Variants in ERC2 observed in about 807,000 individuals in gnomAD.
ERC2 encodes the protein ELKS/RAB6-interacting/CAST family member 2, also known as ERC protein 2.
A neutral mutation model predicts 114.8 loss-of-function variants in ERC2; 42 were observed. The observed-to-expected ratio is 0.37, with a 90% CI of 0.29 to 0.47. The LOEUF (loss-of-function observed/expected upper bound fraction) is 0.47, where lower values mean the gene tolerates loss of function less well. ERC2 is among the 20% of genes least tolerant of loss of function. ERC2 has a pLI of 0.99. For synonymous variants in ERC2, 454 were observed against 425.5 expected, an observed-to-expected ratio of 1.07 and a Z score of -0.82; for missense variants, 939 against 1,150.7, an observed-to-expected ratio of 0.82 and a Z score of 2.66.
At chr3:56,229,038 C>CT (rs1271289766) in intron 3 of ERC2, among the ~76,000 whole-genome samples, 2 of 152,064 alleles carry the variant, frequency 1.3e-5, no homozygotes, top group Non-Finnish European at 2.9e-5. Flanking sequence ...TTACAGAATG[C>CT]TTTTTTCCAG....
At chr3:55,613,372 T>C (rs2058985307) in intron 17 of ERC2, among the ~76,000 whole-genome samples, 2 of 152,208 alleles carry the variant, frequency 1.3e-5, no homozygotes, top group African/African-American at 4.8e-5. Flanking sequence ...GGGGCACAAA[T>C]TATAGGGAAA....
At chr3:55,958,649 C>A (rs1427956173) in intron 12 of ERC2, among the ~76,000 whole-genome samples, 2 of 152,224 alleles carry the variant, frequency 1.3e-5, no homozygotes, top group African/African-American at 4.8e-5. Flanking sequence ...CACCTGTGCT[C>A]GTCAGCACCC....
chr3:56,299,511 C>T (rs956409211), intron 2 of ERC2, among the ~76,000 whole-genome samples: 23 of 151,446 alleles, frequency 1.5e-4, no homozygotes, highest in African/African-American at 5.3e-4. Flanking sequence ...CTCACTGTAA[C>T]CTCCACCTTC....
At chr3:56,232,068 A>G (rs996509080) in intron 3 of ERC2, among the ~76,000 whole-genome samples, 1 of 151,322 alleles carries the variant, frequency 6.6e-6, no homozygotes, top group East Asian at 1.9e-4. Flanking sequence ...ACTTCAGTGT[A>G]TAATTGATCC....
At chr3:55,652,633 G>A (rs2060676207) in intron 17 of ERC2, among the ~76,000 whole-genome samples, 1 of 152,054 alleles carries the variant, frequency 6.6e-6, no homozygotes, top group South Asian at 2.1e-4. Context: ...CAGCACTTTG[G>A]GAGGCCGAGG....
At chr3:55,934,774 G>T (rs1282490169) in intron 13 of ERC2, among the ~76,000 whole-genome samples, 2 of 152,178 alleles carry the variant, frequency 1.3e-5, no homozygotes, top group Non-Finnish European at 2.9e-5. Flanking sequence ...TTGGCAATAT[G>T]AAGTCTTTTT....
chr3:56,381,301 T>G (rs570226531), intron 2 of ERC2, among the ~76,000 whole-genome samples: 1 of 152,162 alleles, frequency 6.6e-6, no homozygotes, highest in Non-Finnish European at 1.5e-5. Flanking sequence ...ATTACAATCA[T>G]TCCTGGGTAT....
At chr3:55,977,330 A>C (rs1408062098) in intron 12 of ERC2, among the ~76,000 whole-genome samples, 2 of 152,218 alleles carry the variant, frequency 1.3e-5, no homozygotes, top group Non-Finnish European at 2.9e-5. Flanking sequence ...AAACCTGCAT[A>C]ACAAAAACCA....
At chr3:55,830,903 C>T (rs185597973) in intron 14 of ERC2, among the ~76,000 whole-genome samples, 2 of 152,230 alleles carry the variant, frequency 1.3e-5, no homozygotes, top group Admixed American at 1.3e-4. Flanking sequence ...AGGATTGCAC[C>T]ACTGAACTCC....
At chr3:55,897,527 A>C (rs1402814603) in intron 13 of ERC2, among the ~76,000 whole-genome samples, 2 of 152,192 alleles carry the variant, frequency 1.3e-5, no homozygotes, top group African/African-American at 4.8e-5. Context: ...GAACCAATGA[A>C]ATCCCCATAT....
chr3:55,553,011 ATTTTTT>A (rs66602607), intron 17 of ERC2, among the ~76,000 whole-genome samples: 18 of 55,222 alleles, frequency 3.3e-4, no homozygotes, highest in African/African-American at 5.3e-4. Context: ...GGGCTTCCAG[ATTTTTT>A]TTTTTTTTTT....
intron 14 of ERC2, among the ~76,000 whole-genome samples, chr3:55,760,694 G>C (rs2067372260): frequency 1.3e-5 from 2 of 152,210 alleles, no homozygotes; most frequent in African/African-American, 2.4e-5. Context: ...TTTCCACGGG[G>C]TGTCTCTGCT....
chr3:55,966,679 T>C (rs1476804304), intron 12 of ERC2, among the ~76,000 whole-genome samples: 1 of 152,168 alleles, frequency 6.6e-6, no homozygotes, highest in Non-Finnish European at 1.5e-5. Context: ...CCAAAATTCA[T>C]GTCACTTTCC....
intron 7 of ERC2, among the ~76,000 whole-genome samples, chr3:56,073,727 T>C (rs1044265688): frequency 1.3e-5 from 2 of 152,174 alleles, no homozygotes; most frequent in Admixed American, 6.5e-5. Context: ...CTTCGTCTAG[T>C]CCAGGAAAGC....
intron 15 of ERC2, among the ~76,000 whole-genome samples, chr3:55,724,714 G>A (rs4955817): frequency 0.22 from 34,082 of 152,082 alleles, 4,479 homozygotes; most frequent in African/African-American, 0.33. Flanking sequence ...CAAGGTCTCT[G>A]CACACATTAT....
At chr3:56,068,040 G>A (rs1182352143) in intron 7 of ERC2, among the ~76,000 whole-genome samples, 1 of 152,174 alleles carries the variant, frequency 6.6e-6, no homozygotes, top group Non-Finnish European at 1.5e-5. Flanking sequence ...GTATCAGGAT[G>A]ATGCTGGCCT....
chr3:56,010,430 T>C lies in ERC2; in HGVS notation c.1920+19A>G, dbSNP rs752690263. ...TTATGAGGACTATCAATGTGGTTCA[T>C]TTGTTTTTCCAGACTCACCTCTTTC... On this transcript the variant is annotated intron_variant, in intron 9 of 17. Transcript: ENST00000288221. The C allele has an allele frequency of 1.9e-6, 3 of 1,610,994 alleles. No homozygotes were observed. The highest frequency in any genetic ancestry group is 2.7e-5 in the African/African-American group (2 of 74,652).
intron 14 of ERC2, among the ~76,000 whole-genome samples, chr3:55,760,175 AG>A: frequency 6.6e-6 from 1 of 152,202 alleles, no homozygotes; most frequent in East Asian, 1.9e-4. Flanking sequence ...GTAATATCAC[AG>A]GTAAATTAAT....
At chr3:56,214,064 CAGAAAAACTGTAAATTCTAAAACTCAGA>C (rs2049273733) in intron 3 of ERC2, among the ~76,000 whole-genome samples, 1 of 152,134 alleles carries the variant, frequency 6.6e-6, no homozygotes, top group Non-Finnish European at 1.5e-5. Flanking sequence ...AAAAACAGAG[CAGAAAAACTGTAAATTCTAAAACTCAGA>C]GCGCCTCTCC....
Sources: allele counts gnomAD v4.1 joint callset (sites outside exome capture counted in the v4.1 genomes callset), GRCh38; gene constraint gnomAD v4.1.1; transcripts MANE v1.5; gene names NCBI Gene and HGNC (gene_info 2026-07-23, HGNC 2026-07-21).